Variants in ZNF652 observed in about 807,000 individuals in gnomAD.
ZNF652 encodes the protein zinc finger protein 652.
ZNF652 carries 16 observed loss-of-function variants against 45.2 expected under a neutral mutation model. The ratio of observed to expected loss-of-function variants is 0.35; its 90% CI spans 0.24 to 0.54. The LOEUF (loss-of-function observed/expected upper bound fraction) is 0.54. ZNF652 is among the 20% of genes least tolerant of loss of function. The pLI, the probability that ZNF652 is intolerant of heterozygous loss-of-function variation, is 0.91. For missense variants in ZNF652, 614 were observed against 765.6 expected, an observed-to-expected ratio of 0.80 and a Z score of 2.34; for synonymous variants, 250 against 260.6, an observed-to-expected ratio of 0.96 and a Z score of 0.39.
At position 49,356,457 on chromosome 17, in the gene ZNF652, AC is replaced by A. The variant is rs2070338150; in HGVS notation, c.-259+5451del. Among the ~76,000 whole-genome samples, 6 of 115,324 alleles carry A rather than the reference AC, an allele frequency of 5.2e-5. No homozygotes were observed. In the South Asian group the frequency reaches 1.5e-3, roughly 28 times the overall value. The allele number at this position is 115,324 out of a possible 152,430, so 75.7% of individuals were successfully genotyped here. On this transcript the variant is annotated intron_variant, in intron 1 of 5. Coordinates refer to ENST00000430262, the MANE Select transcript of ZNF652 (RefSeq NM_001145365.3). ...AAAAAAAAAAAAAAAAAAAATCAAA[AC>A]CAAAAAAAAAACAAAAAAAACCCCT...
chr17:49,327,819 T>C (rs2069982185), intron 1 of ZNF652, among the ~76,000 whole-genome samples: 3 of 113,096 alleles, frequency 2.7e-5, no homozygotes, highest in East Asian at 2.8e-4. Context: ...GGTTTCACCA[T>C]GTTGTCCAGG....
At chr17:49,301,835 T>A (rs1190637667) in intron 5 of ZNF652, among the ~76,000 whole-genome samples, 1 of 152,146 alleles carries the variant, frequency 6.6e-6, no homozygotes, top group African/African-American at 2.4e-5. Context: ...GAGACCAGCC[T>A]GGGCAACACA....
chr17:49,334,195 A>T (rs1023273826), intron 1 of ZNF652, among the ~76,000 whole-genome samples: 15 of 152,218 alleles, frequency 9.9e-5, no homozygotes, highest in Admixed American at 9.8e-4. Flanking sequence ...AAAAGGAATG[A>T]AGAAGTCAGG....
At chr17:49,321,306 C>G (rs2069888379) in intron 1 of ZNF652, among the ~76,000 whole-genome samples, 1 of 151,986 alleles carries the variant, frequency 6.6e-6, no homozygotes, top group Non-Finnish European at 1.5e-5. Flanking sequence ...CTCTGTCACC[C>G]AGGCTGGAGT....
intron 1 of ZNF652, among the ~76,000 whole-genome samples, chr17:49,357,763 G>A (rs2143143828): frequency 6.6e-6 from 1 of 152,218 alleles, no homozygotes; most frequent in East Asian, 1.9e-4. Flanking sequence ...CATAAGCTCT[G>A]AATAGGCTTA....
At chr17:49,361,505 G>C (rs2070393474) in intron 1 of ZNF652, among the ~76,000 whole-genome samples, 1 of 152,222 alleles carries the variant, frequency 6.6e-6, no homozygotes, top group Admixed American at 6.5e-5. Context: ...CAAGGCGGGG[G>C]AGGTAGTGGG....
upstream of ZNF652, chr17:49,362,452 C>T (rs2070413232): frequency 6.6e-6 from 1 of 152,202 alleles, no homozygotes; most frequent in South Asian, 2.1e-4. Context: ...CTCCGCCGCC[C>T]AGATAACCGC....
At chr17:49,299,871 A>G (rs1325316032) in intron 5 of ZNF652, among the ~76,000 whole-genome samples, 6 of 144,662 alleles carry the variant, frequency 4.1e-5, no homozygotes, top group South Asian at 2.2e-4. Flanking sequence ...TTTTCTGTAG[A>G]GGCAGGGCCT....
chr17:49,317,292 G>C lies in ZNF652; in HGVS notation c.434C>G (p.Pro145Arg), dbSNP rs2069821504. The change falls in exon 2 of 6, where the codon CCT (proline) becomes CGT (arginine). Residue 145 changes from proline to arginine, a missense_variant. Physicochemically the swap from Pro to Arg is moderately radical, Grantham distance 103. Around this residue, in one of 5 missense-constraint regions of ZNF652, gnomAD observed 262 missense variants for 306.3 expected, o/e 0.86. Coordinates refer to ENST00000430262, the MANE Select transcript of ZNF652 (RefSeq NM_001145365.3). ...KGVSSQSKET[P>R]VLKTSSEEEE... Reference sequence around the variant, plus strand: ...CTCCTCACTGCTTGTCTTAAGAACAGGAGTCTCTTTGGACTGAGAAGAGAC... The same window carrying C: ...CTCCTCACTGCTTGTCTTAAGAACACGAGTCTCTTTGGACTGAGAAGAGAC... 6.2e-7 allele frequency: 1 copy of C among 1,612,778 alleles called. No homozygotes were observed. The highest frequency in any genetic ancestry group is 8.5e-7 in the Non-Finnish European group (1 of 1,179,988).
chr17:49,324,212 A>C (rs937750061), intron 1 of ZNF652, among the ~76,000 whole-genome samples: 3 of 152,206 alleles, frequency 2.0e-5, no homozygotes, highest in African/African-American at 7.2e-5. Context: ...CTCATGAACC[A>C]ACCTCTCTGC....
chr17:49,329,748 T>C (rs913906848), intron 1 of ZNF652, among the ~76,000 whole-genome samples: 2 of 152,242 alleles, frequency 1.3e-5, no homozygotes, highest in Non-Finnish European at 2.9e-5. Context: ...GAGACTGCCA[T>C]TGTGTTTCCT....
intron 1 of ZNF652, among the ~76,000 whole-genome samples, chr17:49,331,240 G>A (rs1466421819): frequency 6.7e-6 from 1 of 150,188 alleles, no homozygotes; most frequent in African/African-American, 2.4e-5. Flanking sequence ...TCCTGCCTCA[G>A]CCTCCCAAGT....
chr17:49,360,957 A>G (rs9892761), intron 1 of ZNF652, among the ~76,000 whole-genome samples: 118,819 of 152,120 alleles, frequency 0.78, 46,626 homozygotes, highest in African/African-American at 0.85. Context: ...TGAACACGGG[A>G]ACAATCTGGG....
chr17:49,292,622 A>G lies in ZNF652; in HGVS notation c.*5791T>C. 6.6e-6 allele frequency among the ~76,000 whole-genome samples: 1 copy of G among 152,150 alleles called. No homozygotes were observed. Among genetic ancestry groups the G allele is most frequent in the Non-Finnish European group, 1.5e-5 (1 of 68,028 alleles). On this transcript the variant is annotated 3_prime_UTR_variant, in exon 6 of 6. Coordinates refer to ENST00000430262, the MANE Select transcript of ZNF652 (RefSeq NM_001145365.3). Reference sequence around the variant, plus strand: ...CAGCACTCAGGATCCTTTCATCAGAAAGGGGAGGCATTCAGGAAGACTTCA... The same window carrying G: ...CAGCACTCAGGATCCTTTCATCAGAGAGGGGAGGCATTCAGGAAGACTTCA...
chr17:49,327,047 A>G (rs1253001400), intron 1 of ZNF652, among the ~76,000 whole-genome samples: 1 of 152,198 alleles, frequency 6.6e-6, no homozygotes, highest in East Asian at 1.9e-4. Flanking sequence ...AACTGTACTA[A>G]AAAACTGAAA....
intron 5 of ZNF652, among the ~76,000 whole-genome samples, chr17:49,301,130 A>G (rs2069546676): frequency 6.6e-6 from 1 of 152,158 alleles, no homozygotes; most frequent in Non-Finnish European, 1.5e-5. Context: ...TACCCATAGC[A>G]TAGTCCAAAT....
intron 1 of ZNF652, among the ~76,000 whole-genome samples, chr17:49,346,798 T>G (rs1352231921): frequency 1.3e-5 from 2 of 152,206 alleles, no homozygotes; most frequent in African/African-American, 4.8e-5. Flanking sequence ...ACCAAGTCCC[T>G]TGTGGGCAGG....
intron 5 of ZNF652, among the ~76,000 whole-genome samples, chr17:49,309,471 T>C (rs1416943141): frequency 6.7e-6 from 1 of 148,952 alleles, no homozygotes; most frequent in Admixed American, 6.7e-5. Flanking sequence ...ATTGTGCCAC[T>C]GCACTCAGTC....
chr17:49,330,514 G>GT (rs2070011725), intron 1 of ZNF652, among the ~76,000 whole-genome samples: 1 of 151,772 alleles, frequency 6.6e-6, no homozygotes, highest in African/African-American at 2.4e-5. Flanking sequence ...TGCCTGGCTA[G>GT]TTTTTTGTGT....
Sources: gnomAD v4.1 joint callset for allele counts (sites outside exome capture counted in the v4.1 genomes callset) on GRCh38, gnomAD v4.1.1 for gene constraint, gnomAD v4.1.1 regional missense constraint, MANE v1.5 for transcripts, NCBI Gene and HGNC (gene_info 2026-07-23, HGNC 2026-07-21) for gene names.